The following GJC2 variants were observed in gnomAD, a reference collection of about 807,000 sequenced individuals.
The protein encoded by GJC2 is gap junction protein gamma 2.
For missense variants in GJC2, 647 were observed against 648.9 expected (o/e 1.00, Z 0.03); for synonymous variants, 336 against 307.5 (o/e 1.09, Z -0.97).
chr1:228,158,239 G>C lies in GJC2; in HGVS notation c.481G>C (p.Ala161Pro). The stretch of plus-strand genomic sequence containing the variant: ...GGAGGAGGAGGAGGAGGAGACGGGG[G>C]CAGCCGAGGGCGCCGGCGAGGAAGC... ...GEEEEEEETG[A>P]AEGAGEEAEE... Residue 161 changes from alanine to proline, a missense_variant, in exon 2 of 2, where the codon GCA (alanine) becomes CCA (proline). By Grantham distance (27) the Ala-to-Pro change is conservative (BLOSUM62 -1). Coordinates refer to ENST00000366714, the MANE Select transcript of GJC2 (RefSeq NM_020435.4). The surrounding 1 kb of genome is among the most constrained non-coding windows in gnomAD (Gnocchi z 8.3). 6.6e-7 allele frequency: 1 copy of C among 1,508,152 alleles called. No individual in the cohort carries two copies. The highest frequency in any genetic ancestry group is 8.8e-7 in the Non-Finnish European group (1 of 1,132,138). The allele number at this position is 1,508,152 out of a possible 1,614,324, so 93.4% of individuals were successfully genotyped here. A position where few individuals can be genotyped will look rare whatever the true frequency, so the allele number is the denominator to read the frequency against.
At chr1:228,154,018 T>C (rs1304746077) in intron 1 of GJC2, among the ~76,000 whole-genome samples, 4 of 152,200 alleles carry the variant, frequency 2.6e-5, no homozygotes, top group Admixed American at 2.0e-4. Context: ...GTGAGGATAG[T>C]GCAGAGTTCT....
intron 1 of GJC2, among the ~76,000 whole-genome samples, 164 bp from the exon 2 acceptor site, chr1:228,157,576 C>T (rs1368776497): frequency 6.6e-6 from 1 of 152,194 alleles, no homozygotes; most frequent in Non-Finnish European, 1.5e-5. Context: ...CGAGCAGGGG[C>T]CGGATCAGGT....
rs1165653380 is a variant in GJC2 at position 228,158,779 on chromosome 1, G to C, written c.1021G>C (p.Glu341Gln). 6.4e-6 allele frequency: 9 copies of C among 1,415,280 alleles called. No homozygotes were observed. The South Asian group carries it at 1.1e-4, about 17-fold the overall frequency. The allele number at this position is 1,415,280 out of a possible 1,614,324, so 87.7% of individuals were successfully genotyped here. A position where few individuals can be genotyped will look rare whatever the true frequency, so the allele number is the denominator to read the frequency against. Reference sequence around the variant, plus strand: ...CTACAGCCTGGTGGTGCGGGCGGCCGAGCGCGCTCGGGCGCATGACCAGAA... The same window carrying C: ...CTACAGCCTGGTGGTGCGGGCGGCCCAGCGCGCTCGGGCGCATGACCAGAA... ...PDYSLVVRAA[E>Q]RARAHDQNLA... is the part of the protein sequence containing the mutation. Residue 341 changes from glutamate (E) to glutamine (Q), a missense_variant, in exon 2 of 2, where the codon GAG (glutamate) becomes CAG (glutamine). Physicochemically the swap from Glu to Gln is conservative, Grantham distance 29. Coordinates refer to ENST00000366714, the MANE Select transcript of GJC2 (RefSeq NM_020435.4). The surrounding 1 kb of genome is among the most constrained non-coding windows in gnomAD (Gnocchi z 8.3).
At chr1:228,157,711 C>T (rs994373348) in intron 1 of GJC2, 29 bp from the exon 2 acceptor site, 2 of 1,405,002 alleles carry the variant, frequency 1.4e-6, no homozygotes, top group Non-Finnish European at 1.9e-6. Flanking sequence ...AAGTGCAGGC[C>T]CCTGGCTGAC....
chr1:228,158,225 A>T lies in GJC2; in HGVS notation c.467A>T (p.Glu156Val). 3.3e-6 allele frequency: 5 copies of T among 1,502,020 alleles called. No homozygotes were observed. The highest frequency in any genetic ancestry group is 4.4e-6 in the Non-Finnish European group (5 of 1,129,390). The allele number at this position is 1,502,020 out of a possible 1,614,324, so 93.0% of individuals were successfully genotyped here. Residue 156 changes from glutamate (E) to valine (V), a missense_variant, in exon 2 of 2, where the codon GAG becomes GTG. Physicochemically the swap from Glu to Val is moderately radical, Grantham distance 121. Transcript: ENST00000366714. This position sits in a 1 kb window ranked among gnomAD's most constrained non-coding sequence, Gnocchi z 8.3. ...PMLGLGEEEE[E>V]EETGAAEGAG... is the part of the protein sequence containing the mutation. ...CTGGGCCTGGGCGAGGAGGAGGAGG[A>T]GGAGGAGACGGGGGCAGCCGAGGGC... is the stretch of plus-strand genomic sequence containing the variant.
intron 1 of GJC2, among the ~76,000 whole-genome samples, chr1:228,154,839 T>C (rs1398151577): frequency 6.6e-6 from 1 of 152,194 alleles, no homozygotes; most frequent in African/African-American, 2.4e-5. Context: ...TGCGCCAGGC[T>C]CTTCTGTACA....
In GJC2 at chr1:228,158,218, G is replaced by A. The variant is rs1320920584; in HGVS notation, c.460G>A (p.Glu154Lys). The A allele has an allele frequency of 1.3e-6, 2 of 1,497,638 alleles. No homozygotes were observed. Among genetic ancestry groups the A allele is most frequent in the Non-Finnish European group, 1.8e-6 (2 of 1,127,478 alleles). 92.8% of individuals were successfully genotyped at this position (1,497,638 alleles called of 1,614,324 possible). Residue 154 changes from glutamate (E) to lysine (K), a missense_variant, in exon 2 of 2, where the codon GAG becomes AAG. Coordinates refer to ENST00000366714, the MANE Select transcript of GJC2 (RefSeq NM_020435.4). This position sits in a 1 kb window ranked among gnomAD's most constrained non-coding sequence, Gnocchi z 8.3. ...GCCCATGCTGGGCCTGGGCGAGGAG[G>A]AGGAGGAGGAGGAGACGGGGGCAGC... The part of the protein sequence containing the change: ...EEPMLGLGEE[E>K]EEEETGAAEG...
At chr1:228,155,733 C>A (rs919122380) in intron 1 of GJC2, among the ~76,000 whole-genome samples, 3 of 152,152 alleles carry the variant, frequency 2.0e-5, no homozygotes, top group Non-Finnish European at 2.9e-5. Context: ...AGCCCTCAGA[C>A]GCCAGGGCAC....
At chr1:228,157,611 C>T (rs910850294) in intron 1 of GJC2, 129 bp from the exon 2 acceptor site, 14 of 616,980 alleles carry the variant, frequency 2.3e-5, no homozygotes, top group South Asian at 3.9e-5. Flanking sequence ...CCGTTTAAGG[C>T]GGTAAGCTCC....
At chr1:228,156,247 T>C (rs1001845435) in intron 1 of GJC2, among the ~76,000 whole-genome samples, 3 of 152,254 alleles carry the variant, frequency 2.0e-5, no homozygotes, top group African/African-American at 7.2e-5. Context: ...CAAGTGTGTA[T>C]GTGCCACTGT....
At position 228,150,176 on chromosome 1, in the gene GJC2, C is replaced by T. The variant is rs558056248; in HGVS notation, c.-20+169C>T. Among the ~76,000 whole-genome samples the T allele has an allele frequency of 6.4e-4, 98 of 152,282 alleles. 1 individual carries two copies. Among genetic ancestry groups the T allele is most frequent in the Admixed American group, 4.0e-3 (61 of 15,312 alleles). On this transcript the variant is annotated intron_variant, in intron 1 of 1. Transcript: ENST00000366714. This position sits in a 1 kb window ranked among gnomAD's most constrained non-coding sequence, Gnocchi z 4.6. ...GCGCCTGCCACCCCCTCCTGGGCTC[C>T]GCTGCTCCACGCAGATGGTGGGGTG...
chr1:228,157,740 G>GCCCC lies in GJC2; in HGVS notation c.-19_-18insCCCC. 7 of 662,260 alleles carry GCCCC rather than the reference G, an allele frequency of 1.1e-5. No individual in the cohort carries two copies. Among genetic ancestry groups the GCCCC allele is most frequent in the South Asian group, 7.0e-5 (4 of 57,382 alleles). The allele number at this position is 662,260 out of a possible 1,614,324, so 41.0% of individuals were successfully genotyped here. On this transcript the variant is annotated splice_region_variant and 5_prime_UTR_variant, in exon 2 of 2. Transcript: ENST00000366714. ...GGCTGACCCCTACCCCGCCCCACAG[G>GCCCC]ACCCGCCCGCCCGCCCCTATGACCA...
Position 228,150,743 on chromosome 1 carries a change from G to C in GJC2, c.-20+736G>C, listed in dbSNP as rs374748288. On this transcript the variant is annotated intron_variant, in intron 1 of 1. Transcript: ENST00000366714. This position sits in a 1 kb window ranked among gnomAD's most constrained non-coding sequence, Gnocchi z 4.6. ...CAGGGAGGCCACAGCCCAGGCGCGG[G>C]GGCCCCCATCCCAGAGCTGGATGGC... 1.1e-4 allele frequency among the ~76,000 whole-genome samples: 16 copies of C among 152,092 alleles called. 1 individual carries two copies. The East Asian group carries it at 2.1e-3, about 20-fold the overall frequency.
Position 228,158,748 on chromosome 1 carries a change from G to C in GJC2, c.990G>C (p.Pro330=), listed in dbSNP as rs1245483584. 4 of 1,377,514 alleles carry C rather than the reference G, an allele frequency of 2.9e-6. No individual in the cohort carries two copies. The highest frequency in any genetic ancestry group is 3.8e-6 in the Non-Finnish European group (4 of 1,063,560). 85.3% of individuals were successfully genotyped at this position (1,377,514 alleles called of 1,614,324 possible). The change falls in exon 2 of 2, where the codon CCG becomes CCC. Residue 330 remains proline (P), a synonymous_variant. Transcript: ENST00000366714. The surrounding 1 kb of genome is among the most constrained non-coding windows in gnomAD (Gnocchi z 8.3). ...CGGCGGCCGCTGGCTTGGCCTGCCCGCCCGACTACAGCCTGGTGGTGCGGG... is the reference window on the plus strand; with the variant it reads ...CGGCGGCCGCTGGCTTGGCCTGCCCCCCCGACTACAGCCTGGTGGTGCGGG... The part of the protein sequence containing the change: ...FPAAAAGLAC[P]PDYSLVVRAA...
chr1:228,159,122 G>T lies in GJC2; in HGVS notation c.*44G>T, dbSNP rs765663341. The T allele has an allele frequency of 1.3e-6, 2 of 1,597,536 alleles. No homozygotes were observed. Among genetic ancestry groups the T allele is most frequent in the African/African-American group, 2.7e-5 (2 of 74,378 alleles). ...TGGGCCAGGGAGGAGGAGGGTTGGG[G>T]GGCTCCGGTGGAAACCTGCGACCCC... On this transcript the variant is annotated 3_prime_UTR_variant, in exon 2 of 2. Transcript: ENST00000366714. This position sits in a 1 kb window ranked among gnomAD's most constrained non-coding sequence, Gnocchi z 4.0.
In GJC2 at chr1:228,159,058, A is replaced by C; in HGVS notation, c.1300A>C (p.Lys434Gln). Residue 434 changes from lysine to glutamine, a missense_variant, in exon 2 of 2, where the codon AAG becomes CAG. Physicochemically the swap from Lys to Gln is moderately conservative, Grantham distance 53. Transcript: ENST00000366714. The surrounding 1 kb of genome is among the most constrained non-coding windows in gnomAD (Gnocchi z 4.0). ...EKGSASSRDG[K>Q]TTVWI Reference sequence around the variant, plus strand: ...GGGCAGTGCCAGCAGCAGGGACGGGAAGACCACCGTGTGGATCTGAGGGCG... The same window carrying C: ...GGGCAGTGCCAGCAGCAGGGACGGGCAGACCACCGTGTGGATCTGAGGGCG... 6.2e-7 allele frequency: 1 copy of C among 1,610,400 alleles called. No individual in the cohort carries two copies. Among genetic ancestry groups the C allele is most frequent in the South Asian group, 1.1e-5 (1 of 90,970 alleles).
At chr1:228,155,133 G>A (rs1382835277) in intron 1 of GJC2, among the ~76,000 whole-genome samples, 1 of 152,238 alleles carries the variant, frequency 6.6e-6, no homozygotes, top group Non-Finnish European at 1.5e-5. Context: ...CAGCATGGAA[G>A]GCGGTGACAC....
At position 228,158,054 on chromosome 1, in the gene GJC2, T is replaced by C. The variant is rs1484072426; in HGVS notation, c.296T>C (p.Val99Ala). The part of the protein sequence containing the change: ...TPSVMYLGYA[V>A]HRLARASEQE... ...TCGGTCATGTACCTGGGCTACGCCG[T>C]GCACCGCCTGGCCCGTGCGTCTGAG... The change falls in exon 2 of 2, where the codon GTG becomes GCG. Residue 99 changes from valine to alanine, a missense_variant. By Grantham distance (64) the Val-to-Ala change is moderately conservative. Transcript: ENST00000366714. This position sits in a 1 kb window ranked among gnomAD's most constrained non-coding sequence, Gnocchi z 8.3. 1 of 1,606,988 alleles carries C rather than the reference T, an allele frequency of 6.2e-7. No homozygotes were observed. Among genetic ancestry groups the C allele is most frequent in the Non-Finnish European group, 8.5e-7 (1 of 1,178,850 alleles).
At chr1:228,156,147 C>CGTGT (rs902741534) in intron 1 of GJC2, among the ~76,000 whole-genome samples, 1 of 152,026 alleles carries the variant, frequency 6.6e-6, no homozygotes, top group African/African-American at 2.4e-5. Context: ...CCTGATCACA[C>CGTGT]GTGTGTGTGT....
Sources: gnomAD v4.1 joint callset for allele counts (sites outside exome capture counted in the v4.1 genomes callset) on GRCh38, gnomAD v4.1.1 for gene constraint, Gnocchi (gnomAD v3.1) non-coding constraint, MANE v1.5 for transcripts, NCBI Gene and HGNC (gene_info 2026-07-23, HGNC 2026-07-21) for gene names.